Variants in ZDHHC17 observed in about 807,000 individuals in gnomAD.
ZDHHC17 encodes the protein palmitoyltransferase ZDHHC17.
In ZDHHC17, 40 loss-of-function variants were observed where a neutral mutation model predicts 90.3. That is an observed-to-expected ratio of 0.44 (90% CI 0.34 to 0.58). The LOEUF (loss-of-function observed/expected upper bound fraction) is 0.58. ZDHHC17 is among the 20% of genes least tolerant of loss of function. The pLI, the probability that ZDHHC17 is intolerant of heterozygous loss-of-function variation, is 0.01. For missense variants in ZDHHC17, 614 were observed against 780.8 expected, an observed-to-expected ratio of 0.79 and a Z score of 2.55; for synonymous variants, 235 against 252.4, an observed-to-expected ratio of 0.93 and a Z score of 0.65.
Position 76,768,847 on chromosome 12 carries a change from G to A in ZDHHC17, c.93+4518G>A, listed in dbSNP as rs74104832. Reference sequence around the variant, plus strand: ...AACTGGATTGCCTAGATTATCTAGGGCTTTCATCTCTTTCTTTCTTCCTTT... The same window carrying A: ...AACTGGATTGCCTAGATTATCTAGGACTTTCATCTCTTTCTTTCTTCCTTT... On this transcript the variant is annotated intron_variant, in intron 1 of 16. Transcript: ENST00000426126. Among the ~76,000 whole-genome samples, 1,315 of 152,182 alleles carry A rather than the reference G, an allele frequency of 8.6e-3. 27 individuals are homozygous for A. Among genetic ancestry groups the A allele is most frequent in the African/African-American group, 0.031 (1,275 of 41,524 alleles).
chr12:76,839,604 G>T (rs1953407855), intron 10 of ZDHHC17, among the ~76,000 whole-genome samples: 2 of 151,966 alleles, frequency 1.3e-5, no homozygotes, highest in Admixed American at 1.3e-4. Context: ...CTAGATTAAA[G>T]AATTAAATGT....
In ZDHHC17 at chr12:76,842,906, T is replaced by G. The variant is rs1430026965; in HGVS notation, c.1267-13T>G. 3.1e-6 allele frequency: 5 copies of G among 1,592,364 alleles called. No homozygotes were observed. Among genetic ancestry groups the G allele is most frequent in the Non-Finnish European group, 4.3e-6 (5 of 1,165,374 alleles). ...TTCAGTTTTGAATTAAATATTATTT[T>G]TTTAATTCACAGACAATAGTTGAAC... On this transcript the variant is annotated splice_polypyrimidine_tract_variant and intron_variant, in intron 11 of 16. Transcript: ENST00000426126.
chr12:76,847,968 T>TG (rs1229614150), intron 14 of ZDHHC17, among the ~76,000 whole-genome samples: 1 of 152,260 alleles, frequency 6.6e-6, no homozygotes, highest in Non-Finnish European at 1.5e-5. Context: ...CTAAGTATTA[T>TG]GTGATGCAAT....
At chr12:76,840,891 A>G (rs1331377006) in intron 10 of ZDHHC17, 1 of 152,148 alleles carries the variant, frequency 6.6e-6, no homozygotes, top group Non-Finnish European at 1.5e-5. Flanking sequence ...GCACCTTTTC[A>G]AAACTTGTGA....
chr12:76,815,834 T>G, intron 6 of ZDHHC17, 23 bp from the exon 7 acceptor site: 1 of 400,468 alleles, frequency 2.5e-6, no homozygotes, highest in South Asian at 5.8e-5. Context: ...TTGTTGTTTG[T>G]TTTTTTTTTT....
At chr12:76,787,262 A>G (rs1417619321) in intron 1 of ZDHHC17, among the ~76,000 whole-genome samples, 1 of 152,164 alleles carries the variant, frequency 6.6e-6, no homozygotes, top group Non-Finnish European at 1.5e-5. Context: ...ATTATCATCA[A>G]CTAGGAGATA....
chr12:76,799,746 TTC>T (rs1952864557), intron 2 of ZDHHC17, among the ~76,000 whole-genome samples: 1 of 152,200 alleles, frequency 6.6e-6, no homozygotes, highest in African/African-American at 2.4e-5. Flanking sequence ...AAGATTGTGT[TTC>T]TGTTTTCTTT....
Position 76,784,218 on chromosome 12 carries a change from C to A in ZDHHC17, c.94-13216C>A, listed in dbSNP as rs114239347. The stretch of plus-strand genomic sequence containing the variant: ...CAGGGATTTCAAAAATTTTTTTGCA[C>A]CAAAATAAACTTTTAACTAGTTGTA... On this transcript the variant is annotated intron_variant, in intron 1 of 16. Coordinates refer to ENST00000426126, the MANE Select transcript of ZDHHC17 (RefSeq NM_015336.4). 8.3e-3 allele frequency among the ~76,000 whole-genome samples: 1,256 copies of A among 152,110 alleles called. 18 individuals are homozygous for A. The highest frequency in any genetic ancestry group is 0.028 in the African/African-American group (1,180 of 41,486).
chr12:76,823,402 T>C (rs902834803), intron 8 of ZDHHC17, among the ~76,000 whole-genome samples: 6 of 152,216 alleles, frequency 3.9e-5, no homozygotes, highest in African/African-American at 1.4e-4. Context: ...GTTGGCTCAG[T>C]TGCCTGATTA....
intron 1 of ZDHHC17, among the ~76,000 whole-genome samples, chr12:76,769,746 A>G (rs1313746873): frequency 6.6e-6 from 1 of 152,190 alleles, no homozygotes; most frequent in Non-Finnish European, 1.5e-5. Flanking sequence ...GAGCATTACT[A>G]TTAAGCTTAG....
intron 1 of ZDHHC17, among the ~76,000 whole-genome samples, chr12:76,778,419 C>T (rs1322989361): frequency 1.3e-5 from 2 of 152,046 alleles, no homozygotes; most frequent in Non-Finnish European, 2.9e-5. Context: ...CGGGGTTTCA[C>T]TATATGTTGG....
intron 10 of ZDHHC17, chr12:76,840,105 T>C (rs1953414889): frequency 6.6e-6 from 1 of 152,208 alleles, no homozygotes; most frequent in African/African-American, 2.4e-5. Context: ...GTTCTTGTGC[T>C]GCTTAAATGG....
chr12:76,794,098 G>A (rs946766009), intron 1 of ZDHHC17, among the ~76,000 whole-genome samples: 1 of 152,048 alleles, frequency 6.6e-6, no homozygotes, highest in Non-Finnish European at 1.5e-5. Flanking sequence ...TGTTAGCCAG[G>A]ATGGTCTCAA....
chr12:76,817,885 A>G (rs1347764328), intron 7 of ZDHHC17, among the ~76,000 whole-genome samples: 1 of 152,190 alleles, frequency 6.6e-6, no homozygotes, highest in African/African-American at 2.4e-5. Context: ...GTGCCAAGAA[A>G]CAATGAAATA....
At chr12:76,772,649 C>T (rs1266379690) in intron 1 of ZDHHC17, among the ~76,000 whole-genome samples, 1 of 150,810 alleles carries the variant, frequency 6.6e-6, no homozygotes, top group African/African-American at 2.4e-5. Flanking sequence ...GTTCTTCTGC[C>T]TCAGCCTCCT....
chr12:76,833,748 G>T lies in ZDHHC17; in HGVS notation c.1141+5258G>T, dbSNP rs530376143. Among the ~76,000 whole-genome samples the T allele has an allele frequency of 5.3e-5, 8 of 152,266 alleles. No individual in the cohort carries two copies. In the South Asian group the frequency reaches 1.7e-3, roughly 32 times the overall value. On this transcript the variant is annotated intron_variant, in intron 10 of 16. Transcript: ENST00000426126. ...GCGGAGCTTGCAGTGAGCCGAGATT[G>T]CGCCACTGCACTCCAGCCTGGGCAA...
chr12:76,784,285 A>T (rs1397831903), intron 1 of ZDHHC17, among the ~76,000 whole-genome samples: 1 of 152,224 alleles, frequency 6.6e-6, no homozygotes, highest in East Asian at 1.9e-4. Context: ...TAAGGAGGAT[A>T]AGACATCAGT....
intron 2 of ZDHHC17, among the ~76,000 whole-genome samples, chr12:76,801,999 G>T (rs541163366): frequency 6.6e-6 from 1 of 152,066 alleles, no homozygotes; most frequent in Non-Finnish European, 1.5e-5. Flanking sequence ...TTATTGTTAC[G>T]TCATACTAGG....
chr12:76,781,868 T>C (rs1275122249), intron 1 of ZDHHC17, among the ~76,000 whole-genome samples: 2 of 152,178 alleles, frequency 1.3e-5, no homozygotes, highest in African/African-American at 4.8e-5. Flanking sequence ...AAAAACATAA[T>C]GTTAACTGAA....
Sources: allele counts gnomAD v4.1 joint callset (sites outside exome capture counted in the v4.1 genomes callset), GRCh38; gene constraint gnomAD v4.1.1; transcripts MANE v1.5; gene names NCBI Gene and HGNC (gene_info 2026-07-23, HGNC 2026-07-21).